Variants in UGGT2 observed in about 807,000 individuals in gnomAD.
UGGT2 encodes UDP-glucose glycoprotein glucosyltransferase 2, also known as UDP-glucose:glycoprotein glucosyltransferase 2.
In UGGT2, 180 loss-of-function variants were observed where a neutral mutation model predicts 192.1. The observed-to-expected ratio is 0.94, with a 90% CI of 0.83 to 1.06. UGGT2 has a LOEUF of 1.06. UGGT2 is among the 50% of genes least tolerant of loss of function. UGGT2 has a pLI of 0.00. For synonymous variants in UGGT2, 580 were observed against 591.0 expected (o/e 0.98, Z 0.27); for missense variants, 1,849 against 1,795.7 (o/e 1.03, Z -0.54).
chr13:95,840,090 C>T (rs1054597205), intron 36 of UGGT2, among the ~76,000 whole-genome samples: 11 of 152,062 alleles, frequency 7.2e-5, no homozygotes, highest in Admixed American at 3.9e-4. Flanking sequence ...ACCATAAAAA[C>T]CCTAGAAGAA....
chr13:96,036,340 G>T (rs2053001691), intron 1 of UGGT2, among the ~76,000 whole-genome samples: 1 of 152,108 alleles, frequency 6.6e-6, no homozygotes, highest in African/African-American at 2.4e-5. Context: ...ACTTACAAGT[G>T]GGAGCTGAAT....
chr13:95,896,769 C>A (rs2047958614), intron 22 of UGGT2, among the ~76,000 whole-genome samples: 1 of 152,072 alleles, frequency 6.6e-6, no homozygotes, highest in Non-Finnish European at 1.5e-5. Flanking sequence ...ACTTAAATAG[C>A]ATAAAATCAC....
intron 20 of UGGT2, among the ~76,000 whole-genome samples, chr13:95,916,825 G>A (rs1299289769): frequency 6.6e-6 from 1 of 152,038 alleles, no homozygotes; most frequent in African/African-American, 2.4e-5. Context: ...CTATCTTGCT[G>A]AAATAAGGCA....
chr13:95,827,763 G>C (rs1335124107), intron 38 of UGGT2, among the ~76,000 whole-genome samples: 1 of 152,156 alleles, frequency 6.6e-6, no homozygotes, highest in Non-Finnish European at 1.5e-5. Flanking sequence ...CCTTGTAACT[G>C]AAAGTTACTT....
chr13:95,913,954 G>C (rs1234333178), intron 20 of UGGT2, among the ~76,000 whole-genome samples: 2 of 152,160 alleles, frequency 1.3e-5, no homozygotes, highest in Non-Finnish European at 2.9e-5. Context: ...GATGAAGCTG[G>C]AAACCATCAT....
Position 95,801,831 on chromosome 13 carries a change from T to C in UGGT2, c.4529-19A>G. 1.2e-6 allele frequency: 2 copies of C among 1,613,642 alleles called. No homozygotes were observed. Among genetic ancestry groups the C allele is most frequent in the African/African-American group, 2.7e-5 (2 of 75,044 alleles). On this transcript the variant is annotated intron_variant, in intron 38 of 38. Coordinates refer to ENST00000376747, the MANE Select transcript of UGGT2 (RefSeq NM_020121.4). The stretch of plus-strand genomic sequence containing the variant: ...GTCAAAACTATAAGGGAGAAAAGTT[T>C]ATTTAGCTTCTGGCATCTTAAACAT...
intron 1 of UGGT2, among the ~76,000 whole-genome samples, chr13:96,035,259 T>G (rs1209373317): frequency 6.6e-6 from 1 of 152,048 alleles, no homozygotes; most frequent in Non-Finnish European, 1.5e-5. Context: ...GAAATAAGAC[T>G]GCACACCTAC....
chr13:95,834,146 T>C (rs1594103386), intron 37 of UGGT2, among the ~76,000 whole-genome samples: 2 of 152,336 alleles, frequency 1.3e-5, no homozygotes, highest in South Asian at 2.1e-4. Context: ...CTAATTCTTT[T>C]TTTAATTCTG....
chr13:95,913,914 G>C (rs1040887790), intron 20 of UGGT2, among the ~76,000 whole-genome samples: 1 of 152,086 alleles, frequency 6.6e-6, no homozygotes, highest in African/African-American at 2.4e-5. Context: ...CCATAAAAAA[G>C]GATGAGTTCA....
At chr13:95,803,000 A>ATTTT (rs1479392223) in intron 38 of UGGT2, among the ~76,000 whole-genome samples, 1 of 150,160 alleles carries the variant, frequency 6.7e-6, no homozygotes, top group African/African-American at 2.5e-5. Context: ...CGCCCGGCTA[A>ATTTT]TTTTTTTGTA....
Position 95,996,130 on chromosome 13 carries a change from T to C in UGGT2, c.763A>G (p.Thr255Ala), listed in dbSNP as rs73562939. The C allele has an allele frequency of 3.6e-3, 5,725 of 1,609,958 alleles. 182 individuals are homozygous for C. The African/African-American group carries it at 0.068, about 19-fold the overall frequency. The change falls in exon 7 of 39, where the codon ACT (threonine) becomes GCT (alanine). Residue 255 changes from threonine to alanine, a missense_variant. By Grantham distance (58) the Thr-to-Ala change is moderately conservative. Transcript: ENST00000376747. Reference protein sequence around the residue: ...ALDDTQVKTVTNTTVEDETET... With the variant: ...ALDDTQVKTVANTTVEDETET... ...GTCTCATCCTCTACAGTAGTATTAG[T>C]CACAGCTACATTTTGGAAACAAAAC...
At chr13:95,802,874 T>C (rs112018153) in intron 38 of UGGT2, among the ~76,000 whole-genome samples, 2,230 of 152,264 alleles carry the variant, frequency 0.015, 56 homozygotes, top group African/African-American at 0.051. Flanking sequence ...CACTCAGTCG[T>C]CCAGGCTGGA....
intron 31 of UGGT2, among the ~76,000 whole-genome samples, chr13:95,862,341 T>G (rs1463614772): frequency 6.6e-6 from 1 of 152,204 alleles, no homozygotes; most frequent in Non-Finnish European, 1.5e-5. Flanking sequence ...TTGATCAAAA[T>G]GATTAATGGT....
At chr13:95,920,665 G>T (rs2048816991) in intron 20 of UGGT2, among the ~76,000 whole-genome samples, 1 of 152,098 alleles carries the variant, frequency 6.6e-6, no homozygotes, top group Non-Finnish European at 1.5e-5. Flanking sequence ...AGTCAGAATG[G>T]CCATTACTAA....
chr13:95,895,272 T>C lies in UGGT2; in HGVS notation c.2667A>G (p.Ala889=), dbSNP rs771943066. The C allele has an allele frequency of 6.5e-7, 1 of 1,534,688 alleles. No individual in the cohort carries two copies. Among genetic ancestry groups the C allele is most frequent in the Admixed American group, 2.0e-5 (1 of 50,110 alleles). Residue 889 remains alanine, a synonymous_variant, in exon 23 of 39, where the codon GCA becomes GCG. Transcript: ENST00000376747. The stretch of plus-strand genomic sequence containing the variant: ...TCTTTTCCAACAAGTAAAAATCTTC[T>C]GCATAAAAATCTTCATCTAAAGGTC... The part of the protein sequence containing the change: ...FLGPLDEDFY[A]EDFYLLEKIT...
At chr13:95,853,248 G>GGTAT (rs1035887710) in intron 36 of UGGT2, among the ~76,000 whole-genome samples, 1 of 152,026 alleles carries the variant, frequency 6.6e-6, no homozygotes, top group Non-Finnish European at 1.5e-5. Flanking sequence ...CCCAGTCTTG[G>GGTAT]GTATATCTTT....
intron 37 of UGGT2, 100 bp from the exon 38 acceptor site, chr13:95,833,153 G>T: frequency 7.3e-7 from 1 of 1,361,860 alleles, no homozygotes; most frequent in Non-Finnish European, 9.9e-7. Flanking sequence ...TTTATAAAAA[G>T]CAGAGTCCTA....
In UGGT2 at chr13:95,982,559, T is replaced by C. The variant is rs141811771; in HGVS notation, c.1092+1245A>G. 6.8e-3 allele frequency among the ~76,000 whole-genome samples: 1,028 copies of C among 152,158 alleles called. 8 individuals carry two copies. Among genetic ancestry groups the C allele is most frequent in the African/African-American group, 0.024 (986 of 41,520 alleles). ...AACCAATTTGTGGGCCCTATGTAAA[T>C]CAGACACCGCCTCCTCAAGCCTATT... On this transcript the variant is annotated intron_variant, in intron 10 of 38. Transcript: ENST00000376747.
intron 2 of UGGT2, among the ~76,000 whole-genome samples, chr13:96,027,746 T>C: frequency 6.6e-6 from 1 of 152,166 alleles, no homozygotes; most frequent in East Asian, 1.9e-4. Context: ...GATAACCAAA[T>C]AACAGAGATA....
Sources: allele counts gnomAD v4.1 joint callset (sites outside exome capture counted in the v4.1 genomes callset), GRCh38; gene constraint gnomAD v4.1.1; transcripts MANE v1.5; gene names NCBI Gene and HGNC (gene_info 2026-07-23, HGNC 2026-07-21).